NOS1: variants seen among roughly 807,000 people sequenced by gnomAD.
NOS1 encodes nitric oxide synthase 1.
Under a neutral mutation model 164.5 loss-of-function variants are expected in NOS1, and 51 were observed. The ratio of observed to expected loss-of-function variants is 0.31; its 90% CI spans 0.25 to 0.39. NOS1 has a LOEUF of 0.39. NOS1 is among the 10% of genes least tolerant of loss of function. NOS1 has a pLI of 1.00. For synonymous variants in NOS1, 719 were observed against 745.8 expected (o/e 0.96, Z 0.59); for missense variants, 1,362 against 1,885.6 (o/e 0.72, Z 5.14).
At chr12:117,275,371 G>A (rs779963467) in intron 9 of NOS1, among the ~76,000 whole-genome samples, 55 of 152,002 alleles carry the variant, frequency 3.6e-4, no homozygotes, top group Middle Eastern at 3.2e-3. Flanking sequence ...ACTGGAGGAC[G>A]TTATGTTAAG....
At chr12:117,257,195 T>A (rs1871529558) in intron 16 of NOS1, among the ~76,000 whole-genome samples, 1 of 152,092 alleles carries the variant, frequency 6.6e-6, no homozygotes, top group Non-Finnish European at 1.5e-5. Flanking sequence ...GTGATCCTCC[T>A]GCCTCAGCCT....
Position 117,313,469 on chromosome 12 carries a change from G to T in NOS1, c.726-1877C>A, listed in dbSNP as rs566570761. Reference sequence around the variant, plus strand: ...ACCACCCTGCCTGGCAATGTTTTAAGTTTTTTTGTAGAGACAGGGTCTCAC... The same window carrying T: ...ACCACCCTGCCTGGCAATGTTTTAATTTTTTTTGTAGAGACAGGGTCTCAC... On this transcript the variant is annotated intron_variant, in intron 2 of 28. Transcript: ENST00000317775. Among the ~76,000 whole-genome samples the T allele has an allele frequency of 3.9e-5, 6 of 152,148 alleles. No homozygotes were observed. In the South Asian group the frequency reaches 1.3e-3, roughly 32 times the overall value.
In NOS1 at chr12:117,273,065, C is replaced by T. The variant is rs561233540; in HGVS notation, c.1665-506G>A. ...TCTGTGCTTCCAGCTCTTACTCATA[C>T]TTTAATTGTCAGCTAAAATCATGCT... On this transcript the variant is annotated intron_variant, in intron 9 of 28. Transcript: ENST00000317775. 1.6e-4 allele frequency among the ~76,000 whole-genome samples: 25 copies of T among 152,322 alleles called. No individual in the cohort carries two copies. In the South Asian group the frequency reaches 5.2e-3, roughly 32 times the overall value.
At chr12:117,301,915 T>A (rs1024268148) in intron 3 of NOS1, 6 of 446,194 alleles carry the variant, frequency 1.3e-5, no homozygotes, top group Non-Finnish European at 2.7e-5. Context: ...AGAACAATAG[T>A]AACGACCCCA....
At chr12:117,217,917 C>A in intron 28 of NOS1, 129 bp downstream of exon 28, 1 of 711,052 alleles carries the variant, frequency 1.4e-6, no homozygotes, top group South Asian at 1.7e-5. Context: ...GCATTTTGAA[C>A]ACGTTCCCAG....
At chr12:117,319,074 T>G (rs1411798412) in intron 2 of NOS1, among the ~76,000 whole-genome samples, 1 of 152,116 alleles carries the variant, frequency 6.6e-6, no homozygotes, top group Non-Finnish European at 1.5e-5. Flanking sequence ...TTTATTATTA[T>G]TATTATTTTT....
In NOS1 at chr12:117,208,849, A is replaced by T; in HGVS notation, c.*6460T>A. The T allele has an allele frequency of 1.5e-6, 1 of 660,228 alleles. No homozygotes were observed. The highest frequency in any genetic ancestry group is 1.9e-6 in the Non-Finnish European group (1 of 532,472). 40.9% of individuals were successfully genotyped at this position (660,228 alleles called of 1,614,324 possible). A position where few individuals can be genotyped will look rare whatever the true frequency, so the allele number is the denominator to read the frequency against. On this transcript the variant is annotated 3_prime_UTR_variant, in exon 29 of 29. Coordinates refer to ENST00000317775, the MANE Select transcript of NOS1 (RefSeq NM_000620.5). ...GTAATTCTCCTGCCTCAGCCTCCCG[A>T]GTAGATGGGATTACAGATGCCCGCC... is the stretch of plus-strand genomic sequence containing the variant.
At chr12:117,293,368 AATC>A (rs1435980608) in intron 3 of NOS1, among the ~76,000 whole-genome samples, 1 of 152,086 alleles carries the variant, frequency 6.6e-6, no homozygotes, top group Non-Finnish European at 1.5e-5. Flanking sequence ...GAGCTATCTT[AATC>A]ATCAGCCTCT....
rs963251806 is a variant in NOS1 at position 117,230,045 on chromosome 12, G to A, written c.3405+1917C>T. Among the ~76,000 whole-genome samples, 12 of 152,314 alleles carry A rather than the reference G, an allele frequency of 7.9e-5. No individual in the cohort carries two copies. In the South Asian group the frequency reaches 1.2e-3, roughly 16 times the overall value. On this transcript the variant is annotated intron_variant, in intron 22 of 28. Transcript: ENST00000317775. ...AGTGATCCTCCCACCTTAGCCTCCT[G>A]AGGAGCTGGGTCTACAGGCATGTGC...
In NOS1 at chr12:117,209,115, C is replaced by G; in HGVS notation, c.*6194G>C. 1 of 985,392 alleles carries G rather than the reference C, an allele frequency of 1.0e-6. No homozygotes were observed. Among genetic ancestry groups the G allele is most frequent in the Non-Finnish European group, 1.2e-6 (1 of 829,950 alleles). The allele number at this position is 985,392 out of a possible 1,614,324, so 61.0% of individuals were successfully genotyped here. On this transcript the variant is annotated 3_prime_UTR_variant, in exon 29 of 29. Coordinates refer to ENST00000317775, the MANE Select transcript of NOS1 (RefSeq NM_000620.5). ...TTTGGCAGCAGATAATGGAAACAAC[C>G]ACTGGGCTAGGCAAAGTTTCTGCTG...
chr12:117,227,116 C>A (rs1345434168), intron 23 of NOS1, among the ~76,000 whole-genome samples: 1 of 152,154 alleles, frequency 6.6e-6, no homozygotes, highest in African/African-American at 2.4e-5. Context: ...ATCTGACTTA[C>A]AACCAGCTGG....
chr12:117,287,955 G>A, intron 5 of NOS1, 119 bp downstream of exon 5: 2 of 1,081,696 alleles, frequency 1.8e-6, no homozygotes, highest in Non-Finnish European at 2.7e-6. Flanking sequence ...CCAGTCTTAA[G>A]CCTCTGTGTA....
At chr12:117,337,941 G>A (rs542442299) in intron 1 of NOS1, among the ~76,000 whole-genome samples, 4 of 152,124 alleles carry the variant, frequency 2.6e-5, no homozygotes, top group Non-Finnish European at 2.9e-5. Context: ...TTGGACAGGC[G>A]CGGTGGCTCA....
At chr12:117,314,604 ATCCT>A (rs1874589462) in intron 2 of NOS1, among the ~76,000 whole-genome samples, 1 of 152,040 alleles carries the variant, frequency 6.6e-6, no homozygotes, top group Non-Finnish European at 1.5e-5. Flanking sequence ...GGCTGCCAAG[ATCCT>A]TCCTTTTTTA....
At chr12:117,347,019 G>A (rs1876384664) in intron 1 of NOS1, among the ~76,000 whole-genome samples, 1 of 152,014 alleles carries the variant, frequency 6.6e-6, no homozygotes. Flanking sequence ...GGGCATGGTG[G>A]CTCACACCTG....
At chr12:117,295,508 G>C (rs1165765721) in intron 3 of NOS1, among the ~76,000 whole-genome samples, 1 of 151,748 alleles carries the variant, frequency 6.6e-6, no homozygotes, top group African/African-American at 2.4e-5. Context: ...TTGTCCTTTA[G>C]ATAAAAGGTT....
rs551822064 is a variant in NOS1 at position 117,265,970 on chromosome 12, TTG to T, written c.1942-462_1942-461del. Among the ~76,000 whole-genome samples the T allele has an allele frequency of 4.0e-5, 6 of 151,524 alleles. No homozygotes were observed. The South Asian group carries it at 1.0e-3, about 26-fold the overall frequency. ...CACGCCTGGCTAATTTTTTTTTTTT[TTG>T]TATTTTTTAGTAGAGACGGGGTTTC... On this transcript the variant is annotated intron_variant, in intron 11 of 28. Coordinates refer to ENST00000317775, the MANE Select transcript of NOS1 (RefSeq NM_000620.5).
At position 117,286,247 on chromosome 12, in the gene NOS1, T is replaced by C. The variant is rs1566059407; in HGVS notation, c.1147A>G (p.Met383Val). ...TTGTTCACCTCTTCCAGCCTTTCCATGTGGGCTTTGGAGCCAAATCTGAGT... is the reference window on the plus strand; with the variant it reads ...TTGTTCACCTCTTCCAGCCTTTCCACGTGGGCTTTGGAGCCAAATCTGAGT... ...SIKRFGSKAHMERLEEVNKEI... is the reference protein window; with the variant it reads ...SIKRFGSKAHVERLEEVNKEI... Residue 383 changes from methionine (M) to valine (V), a missense_variant, in exon 6 of 29, where the codon ATG becomes GTG. Met to Val is a conservative substitution (Grantham distance 21, BLOSUM62 1). Around this residue, in one of 4 missense-constraint regions of NOS1, gnomAD observed 129 missense variants for 186.0 expected, o/e 0.69. Coordinates refer to ENST00000317775, the MANE Select transcript of NOS1 (RefSeq NM_000620.5). The C allele has an allele frequency of 1.9e-6, 3 of 1,614,028 alleles. No homozygotes were observed. Among genetic ancestry groups the C allele is most frequent in the Non-Finnish European group, 1.7e-6 (2 of 1,180,030 alleles).
intron 13 of NOS1, among the ~76,000 whole-genome samples, chr12:117,262,365 A>T (rs561986692): frequency 1.5e-5 from 2 of 137,140 alleles, no homozygotes; most frequent in African/African-American, 2.6e-5. Context: ...GTGGCTGCTG[A>T]TGTGTTCTTG....
Sources: allele counts gnomAD v4.1 joint callset (sites outside exome capture counted in the v4.1 genomes callset), GRCh38; gene constraint gnomAD v4.1.1; regional missense constraint gnomAD v4.1.1; transcripts MANE v1.5; gene names NCBI Gene and HGNC (gene_info 2026-07-23, HGNC 2026-07-21).